Variants in SPOCK1 observed in about 807,000 individuals in gnomAD.
The protein encoded by SPOCK1 is testican-1.
SPOCK1 carries 23 observed loss-of-function variants against 55.3 expected under a neutral mutation model. That is an observed-to-expected ratio of 0.42 (90% CI 0.30 to 0.59). SPOCK1 has a LOEUF of 0.59. SPOCK1 is among the 20% of genes least tolerant of loss of function. The pLI is 0.22. For synonymous variants in SPOCK1, 226 were observed against 221.0 expected (o/e 1.02, Z -0.20); for missense variants, 499 against 552.5 (o/e 0.90, Z 0.97).
At chr5:137,183,105 TTTTG>T in intron 3 of SPOCK1, among the ~76,000 whole-genome samples, 1 of 152,142 alleles carries the variant, frequency 6.6e-6, no homozygotes, top group East Asian at 1.9e-4. Flanking sequence ...ACACAGGCCA[TTTTG>T]TTACATGTAA....
chr5:137,341,003 A>T (rs1277933125), intron 2 of SPOCK1, among the ~76,000 whole-genome samples: 1 of 151,876 alleles, frequency 6.6e-6, no homozygotes, highest in African/African-American at 2.4e-5. Context: ...GAGCCCTCAT[A>T]CTCTGCCCAC....
At chr5:137,239,134 G>T (rs1250754849) in intron 3 of SPOCK1, among the ~76,000 whole-genome samples, 1 of 152,168 alleles carries the variant, frequency 6.6e-6, no homozygotes, top group East Asian at 1.9e-4. Context: ...GGAGAGGAGA[G>T]GGGCTAGAGA....
chr5:137,306,382 C>G (rs951988801), intron 2 of SPOCK1, among the ~76,000 whole-genome samples: 2 of 152,298 alleles, frequency 1.3e-5, no homozygotes, highest in Middle Eastern at 3.4e-3. Context: ...TGCTTTGTTC[C>G]TCTATCTCTG....
intron 5 of SPOCK1, among the ~76,000 whole-genome samples, chr5:137,091,378 C>T (rs1753052709): frequency 6.6e-6 from 1 of 152,128 alleles, no homozygotes; most frequent in South Asian, 2.1e-4. Context: ...CAAATAAAAC[C>T]CTCGCTGTAG....
chr5:137,155,319 G>A (rs186776935), intron 3 of SPOCK1, among the ~76,000 whole-genome samples: 9 of 152,264 alleles, frequency 5.9e-5, no homozygotes, highest in Admixed American at 3.9e-4. Context: ...GTGCCAGAAT[G>A]GCCCTGCTAT....
intron 6 of SPOCK1, among the ~76,000 whole-genome samples, chr5:137,018,859 G>T (rs532799529): frequency 6.6e-6 from 1 of 152,228 alleles, no homozygotes; most frequent in Non-Finnish European, 1.5e-5. Flanking sequence ...TTGGAAAAAG[G>T]CAGAGTCAAT....
At chr5:137,162,815 A>C (rs1161117927) in intron 3 of SPOCK1, among the ~76,000 whole-genome samples, 1 of 152,210 alleles carries the variant, frequency 6.6e-6, no homozygotes, top group African/African-American at 2.4e-5. Context: ...TGAACCTGGC[A>C]GTTGTTGGAG....
At chr5:137,302,556 A>G (rs997837977) in intron 2 of SPOCK1, among the ~76,000 whole-genome samples, 9 of 151,460 alleles carry the variant, frequency 5.9e-5, no homozygotes, top group Non-Finnish European at 1.2e-4. Context: ...CAGCCTGGGC[A>G]ACAGAGTGAG....
chr5:137,042,889 G>A (rs146677749), intron 6 of SPOCK1, among the ~76,000 whole-genome samples: 2 of 152,134 alleles, frequency 1.3e-5, no homozygotes, highest in East Asian at 3.9e-4. Flanking sequence ...ATATGGATTA[G>A]TATACACATA....
chr5:137,187,087 T>C lies in SPOCK1; in HGVS notation c.233-46393A>G, dbSNP rs575070485. 2.8e-4 allele frequency among the ~76,000 whole-genome samples: 43 copies of C among 152,348 alleles called. 1 individual carries two copies. In the South Asian group the frequency reaches 8.3e-3, roughly 29 times the overall value. On this transcript the variant is annotated intron_variant, in intron 3 of 10. Coordinates refer to ENST00000394945, the MANE Select transcript of SPOCK1 (RefSeq NM_004598.4). Reference sequence around the variant, plus strand: ...CTCTCATCCCTCTTGTTATTCCTTATGCTTTGCTGTTCCTTGGGGTCCTGC... The same window carrying C: ...CTCTCATCCCTCTTGTTATTCCTTACGCTTTGCTGTTCCTTGGGGTCCTGC...
intron 2 of SPOCK1, among the ~76,000 whole-genome samples, chr5:137,350,808 TGTGTGTGTGTCCACGCACGTGTGC>T (rs1188747264): frequency 5.3e-5 from 8 of 152,126 alleles, no homozygotes; most frequent in African/African-American, 1.4e-4. Context: ...TGTGTGTGTG[TGTGTGTGTGTCCACGCACGTGTGC>T]GTGTGTGTGT....
At chr5:137,364,561 A>G (rs1279824970) in intron 2 of SPOCK1, among the ~76,000 whole-genome samples, 1 of 152,222 alleles carries the variant, frequency 6.6e-6, no homozygotes, top group East Asian at 1.9e-4. Context: ...AGGAGCACCT[A>G]TAGTTCTGCT....
chr5:137,464,856 A>T (rs1259501102), intron 2 of SPOCK1, among the ~76,000 whole-genome samples: 1 of 152,222 alleles, frequency 6.6e-6, no homozygotes, highest in Non-Finnish European at 1.5e-5. Flanking sequence ...TATATGTGGT[A>T]GCAGAAACAT....
intron 3 of SPOCK1, among the ~76,000 whole-genome samples, chr5:137,220,354 C>A (rs1755823316): frequency 6.6e-6 from 1 of 152,164 alleles, no homozygotes; most frequent in South Asian, 2.1e-4. Flanking sequence ...GGCAGTGCCC[C>A]CCAGGATGCA....
chr5:137,460,449 G>C (rs1037491715), intron 2 of SPOCK1, among the ~76,000 whole-genome samples: 4 of 152,132 alleles, frequency 2.6e-5, no homozygotes, highest in African/African-American at 9.7e-5. Flanking sequence ...AAGAGCCAAG[G>C]AGTAAAGCTC....
chr5:137,297,116 C>T (rs1757504244), intron 2 of SPOCK1, among the ~76,000 whole-genome samples: 1 of 152,022 alleles, frequency 6.6e-6, no homozygotes, highest in Admixed American at 6.6e-5. Context: ...TGAAGTTAAG[C>T]TTCAATTAAA....
intron 6 of SPOCK1, among the ~76,000 whole-genome samples, chr5:137,039,744 A>T (rs922048010): frequency 1.3e-5 from 2 of 152,202 alleles, no homozygotes; most frequent in Admixed American, 1.3e-4. Context: ...GCTTCTACTA[A>T]GCCACCACAT....
chr5:137,188,325 G>A (rs1755112751), intron 3 of SPOCK1, among the ~76,000 whole-genome samples: 1 of 152,152 alleles, frequency 6.6e-6, no homozygotes, highest in South Asian at 2.1e-4. Context: ...TTTACTCATT[G>A]AAGGTTTGTG....
At chr5:137,161,816 C>T (rs955647430) in intron 3 of SPOCK1, among the ~76,000 whole-genome samples, 2 of 152,066 alleles carry the variant, frequency 1.3e-5, no homozygotes, top group Admixed American at 6.6e-5. Context: ...ATTTTTAAAA[C>T]GTATCTTTTT....
Sources: gnomAD v4.1 joint callset for allele counts (sites outside exome capture counted in the v4.1 genomes callset) on GRCh38, gnomAD v4.1.1 for gene constraint, MANE v1.5 for transcripts, NCBI Gene and HGNC (gene_info 2026-07-23, HGNC 2026-07-21) for gene names.